SHISA9: variants seen among roughly 807,000 people sequenced by gnomAD.
SHISA9 encodes the protein shisa family member 9, also known as protein shisa-9.
Under a neutral mutation model 38.0 loss-of-function variants are expected in SHISA9, and 13 were observed. The observed-to-expected ratio is 0.34, with a 90% CI of 0.22 to 0.54. SHISA9 has a LOEUF of 0.54. Among genes scored for constraint, SHISA9 ranks in the 20% least tolerant of loss-of-function variants. The probability of loss-of-function intolerance (pLI) is 0.91; values close to 1 mark genes in which losing one functional copy is unlikely to be tolerated. For synonymous variants in SHISA9, 275 were observed against 242.0 expected (o/e 1.14, Z -1.27); for missense variants, 538 against 575.8 (o/e 0.93, Z 0.67).
At chr16:13,222,294 C>T (rs1425076901) in intron 4 of SHISA9, among the ~76,000 whole-genome samples, 1 of 152,088 alleles carries the variant, frequency 6.6e-6, no homozygotes, top group Non-Finnish European at 1.5e-5. Flanking sequence ...GAGAGTAATC[C>T]AGGTTGGTGG....
At chr16:13,434,948 G>A in the SHISA9 span, among the ~76,000 whole-genome samples, 10 of 152,332 alleles carry the variant, frequency 6.6e-5, no homozygotes, top group African/African-American at 2.2e-4. Context: ...TGCACTGTGA[G>A]CAGAGAAAGC....
chr16:13,370,416 G>A, the SHISA9 span, among the ~76,000 whole-genome samples: 1 of 152,194 alleles, frequency 6.6e-6, no homozygotes. Flanking sequence ...CAGCTGTTTA[G>A]CAGTAGGTCT....
chr16:13,505,444 C>T, the SHISA9 span, among the ~76,000 whole-genome samples: 1 of 152,156 alleles, frequency 6.6e-6, no homozygotes, highest in Non-Finnish European at 1.5e-5. Flanking sequence ...CTAATCATAT[C>T]ACTCAGTCCA....
chr16:13,275,487 G>C, the SHISA9 span, among the ~76,000 whole-genome samples: 3 of 151,850 alleles, frequency 2.0e-5, no homozygotes, highest in African/African-American at 7.3e-5. Context: ...GTATGAGTTC[G>C]ATGTAGTAAT....
chr16:13,442,542 T>C, the SHISA9 span, among the ~76,000 whole-genome samples: 7 of 152,224 alleles, frequency 4.6e-5, no homozygotes, highest in African/African-American at 1.7e-4. Context: ...TGACTTCAGG[T>C]GATCCGCCCA....
chr16:12,982,214 G>A lies in SHISA9; in HGVS notation c.691+65399G>A, dbSNP rs117116052. 6.1e-3 allele frequency among the ~76,000 whole-genome samples: 923 copies of A among 152,232 alleles called. 7 individuals carry two copies. The highest frequency in any genetic ancestry group is 0.034 in the Middle Eastern group (10 of 294). On this transcript the variant is annotated intron_variant, in intron 2 of 4. Coordinates refer to ENST00000558583, the MANE Select transcript of SHISA9 (RefSeq NM_001145204.3). ...AGCTCACAGCTTAACTGCTGGATTCGGCCATCCAATATGGTGGCCAGTAGC... is the reference window on the plus strand; with the variant it reads ...AGCTCACAGCTTAACTGCTGGATTCAGCCATCCAATATGGTGGCCAGTAGC...
chr16:13,422,107 C>G, the SHISA9 span, among the ~76,000 whole-genome samples: 1 of 152,146 alleles, frequency 6.6e-6, no homozygotes. Flanking sequence ...GGAGAGAGCA[C>G]TCTCAAAAAC....
chr16:13,269,926 A>T, the SHISA9 span, among the ~76,000 whole-genome samples: 1 of 152,160 alleles, frequency 6.6e-6, no homozygotes, highest in Non-Finnish European at 1.5e-5. Flanking sequence ...TGGCCTCTTT[A>T]AAGTTCCCCA....
chr16:13,343,187 C>G, the SHISA9 span, among the ~76,000 whole-genome samples: 3 of 152,156 alleles, frequency 2.0e-5, no homozygotes, highest in African/African-American at 4.8e-5. Flanking sequence ...AACTGGAAAA[C>G]TTCAGATGAA....
At position 13,123,082 on chromosome 16, in the gene SHISA9, G is replaced by T. The variant is rs115779508; in HGVS notation, c.692-80312G>T. On this transcript the variant is annotated intron_variant, in intron 2 of 4. Transcript: ENST00000558583. ...TTATTATCATTTCTGTTTTATAGAT[G>T]AGAAACCAACTTGCCTAAGGTCATG... 3.4e-3 allele frequency among the ~76,000 whole-genome samples: 522 copies of T among 152,306 alleles called. 2 individuals carry two copies. Among genetic ancestry groups the T allele is most frequent in the African/African-American group, 0.012 (490 of 41,566 alleles).
intron 2 of SHISA9, among the ~76,000 whole-genome samples, chr16:12,918,737 G>A (rs907899660): frequency 1.3e-5 from 2 of 152,264 alleles, no homozygotes; most frequent in South Asian, 4.1e-4. Flanking sequence ...AGTGTACTGG[G>A]TAGCACTAGA....
At chr16:12,970,374 T>TATGTATATATATATAC (rs1172191961) in intron 2 of SHISA9, among the ~76,000 whole-genome samples, 4 of 75,454 alleles carry the variant, frequency 5.3e-5, no homozygotes, top group African/African-American at 2.1e-4. Flanking sequence ...TATATACATA[T>TATGTATATATATATAC]ATATATACAT....
At chr16:13,101,901 T>C (rs1869112860) in intron 2 of SHISA9, among the ~76,000 whole-genome samples, 2 of 152,240 alleles carry the variant, frequency 1.3e-5, no homozygotes, top group Non-Finnish European at 2.9e-5. Context: ...AAAAAGGACT[T>C]CACACTAAAT....
chr16:13,361,354 C>T, the SHISA9 span, among the ~76,000 whole-genome samples: 109 of 152,332 alleles, frequency 7.2e-4, no homozygotes, highest in Non-Finnish European at 1.2e-3. Flanking sequence ...AGCCGGAAAC[C>T]TGGATGCATC....
Position 13,183,914 on chromosome 16 carries a change from C to T in SHISA9, c.692-19480C>T, listed in dbSNP as rs191999645. Among the ~76,000 whole-genome samples the T allele has an allele frequency of 2.1e-3, 317 of 152,268 alleles. 2 individuals are homozygous for T. The highest frequency in any genetic ancestry group is 2.4e-3 in the Non-Finnish European group (165 of 68,026). On this transcript the variant is annotated intron_variant, in intron 2 of 4. Transcript: ENST00000558583. ...TTGTGATTGTGGTTCCTTGTTGACT[C>T]TGCTGGATTTGTTAGCATTATGTTC...
At chr16:13,063,618 C>T (rs565676876) in intron 2 of SHISA9, among the ~76,000 whole-genome samples, 7 of 152,212 alleles carry the variant, frequency 4.6e-5, no homozygotes, top group East Asian at 3.9e-4. Context: ...ATCAGGAAAG[C>T]GAGATATTTC....
chr16:13,377,269 G>A, the SHISA9 span, among the ~76,000 whole-genome samples: 9 of 152,328 alleles, frequency 5.9e-5, no homozygotes, highest in African/African-American at 1.9e-4. Flanking sequence ...GAAAGCTATG[G>A]GCTGATCCCT....
chr16:13,545,934 G>A, the SHISA9 span, among the ~76,000 whole-genome samples: 1 of 152,186 alleles, frequency 6.6e-6, no homozygotes, highest in South Asian at 2.1e-4. Flanking sequence ...CTTTTAATTT[G>A]GATTTGAGAG....
chr16:13,223,556 T>C (rs1223031969), intron 4 of SHISA9, among the ~76,000 whole-genome samples: 2 of 152,230 alleles, frequency 1.3e-5, no homozygotes, highest in Non-Finnish European at 2.9e-5. Context: ...GACTGGGGGC[T>C]CTACCATAGC....
Sources: gnomAD v4.1 joint callset for allele counts (sites outside exome capture counted in the v4.1 genomes callset) on GRCh38, gnomAD v4.1.1 for gene constraint, MANE v1.5 for transcripts, NCBI Gene and HGNC (gene_info 2026-07-23, HGNC 2026-07-21) for gene names.